Variants in NLRP8 observed in about 807,000 individuals in gnomAD.
The protein encoded by NLRP8 is NACHT, LRR and PYD domains-containing protein 8.
A neutral mutation model predicts 88.7 loss-of-function variants in NLRP8; 86 were observed. That is an observed-to-expected ratio of 0.97 (90% CI 0.81 to 1.16). The LOEUF (loss-of-function observed/expected upper bound fraction) is 1.16. Ranked by LOEUF, NLRP8 falls within the 50% of genes most tolerant of loss-of-function variation. NLRP8 has a pLI of 0.00. For missense variants in NLRP8, 1,342 were observed against 1,286.5 expected (o/e 1.04, Z -0.66); for synonymous variants, 504 against 494.6 (o/e 1.02, Z -0.25).
intron 4 of NLRP8, among the ~76,000 whole-genome samples, chr19:55,962,698 C>T (rs902703443): frequency 2.6e-5 from 4 of 152,058 alleles, no homozygotes; most frequent in South Asian, 4.1e-4. Context: ...GAGGATCACC[C>T]GAGCCCAGGA....
At chr19:55,974,021 A>C (rs1980198431) in intron 7 of NLRP8, among the ~76,000 whole-genome samples, 199 bp downstream of exon 7, 1 of 152,326 alleles carries the variant, frequency 6.6e-6, no homozygotes, top group Middle Eastern at 3.4e-3. Flanking sequence ...CTAGAGGCAG[A>C]GTTCTCAAAC....
intron 4 of NLRP8, among the ~76,000 whole-genome samples, chr19:55,965,668 T>A (rs1979803611): frequency 6.6e-6 from 1 of 151,504 alleles, no homozygotes; most frequent in Non-Finnish European, 1.5e-5. Flanking sequence ...AAATTTTTTT[T>A]ATTATACTTT....
chr19:55,984,785 C>T (rs572439898), intron 9 of NLRP8, among the ~76,000 whole-genome samples: 4 of 151,334 alleles, frequency 2.6e-5, no homozygotes, highest in Non-Finnish European at 5.9e-5. Flanking sequence ...TGCAGTAAGC[C>T]GTGCTTGCAC....
intron 9 of NLRP8, among the ~76,000 whole-genome samples, chr19:55,982,899 T>C (rs947174267): frequency 8.0e-4 from 121 of 152,146 alleles, no homozygotes; most frequent in African/African-American, 2.8e-3. Context: ...TGAGCCATGA[T>C]GCATCACTGC....
rs306456 is a variant in NLRP8, at chr19:55,987,971, C to T, written c.*58C>T. On this transcript the variant is annotated 3_prime_UTR_variant, in exon 10 of 10. Coordinates refer to ENST00000291971, the MANE Select transcript of NLRP8 (RefSeq NM_176811.2). ...GATCAGTTCCCACTCTGACAACTGG[C>T]AAATACCAGGCGTTATCATCCTGTA... is the stretch of plus-strand genomic sequence containing the variant. 0.25 allele frequency: 329,371 copies of T among 1,331,800 alleles called. 42,444 individuals are homozygous for T. The highest frequency in any genetic ancestry group is 0.3 in the Middle Eastern group (1,670 of 5,480). The allele number at this position is 1,331,800 out of a possible 1,614,324, so 82.5% of individuals were successfully genotyped here. A position where few individuals can be genotyped will look rare whatever the true frequency, so the allele number is the denominator to read the frequency against.
At chr19:55,980,143 C>G (rs1980511899) in intron 9 of NLRP8, among the ~76,000 whole-genome samples, 1 of 152,166 alleles carries the variant, frequency 6.6e-6, no homozygotes, top group Non-Finnish European at 1.5e-5. Context: ...TCTTCCTGAA[C>G]AGCTGAGTTT....
At chr19:55,952,757 C>G in intron 2 of NLRP8, 145 bp downstream of exon 2, 1 of 635,920 alleles carries the variant, frequency 1.6e-6, no homozygotes, top group Non-Finnish European at 2.7e-6. Context: ...GAAACTCTGT[C>G]TCTACTAAAA....
At chr19:55,948,871 T>C (rs549203552) in intron 1 of NLRP8, among the ~76,000 whole-genome samples, 2 of 152,374 alleles carry the variant, frequency 1.3e-5, no homozygotes, top group Admixed American at 1.3e-4. Flanking sequence ...ACAGCTGGTA[T>C]AGCTATGGTG....
chr19:55,952,442 C>A (rs1228268894), intron 1 of NLRP8, 96 bp from the exon 2 acceptor site: 1 of 916,686 alleles, frequency 1.1e-6, no homozygotes, highest in Non-Finnish European at 1.8e-6. Context: ...AGCCATGTGG[C>A]TGCTTCTGTC....
chr19:55,953,792 CT>C (rs35767678), intron 2 of NLRP8, among the ~76,000 whole-genome samples: 471 of 55,230 alleles, frequency 8.5e-3, no homozygotes, highest in East Asian at 0.026. Flanking sequence ...TGTGCCTGGC[CT>C]TTTTTTTTTT....
Position 55,966,339 on chromosome 19 carries a change from C to T in NLRP8, c.2340C>T (p.Cys780=). The stretch of plus-strand genomic sequence containing the variant: ...AGTCCAAAGCTGTGAAGCTTCTATG[C>T]AGGGTGCTGAGATCCCCCCGGTGCC... The change falls in exon 5 of 10, where the codon TGC becomes TGT. Residue 780 remains cysteine, a synonymous_variant. Transcript: ENST00000291971. The T allele has an allele frequency of 1.2e-6, 2 of 1,614,086 alleles. No homozygotes were observed. Among genetic ancestry groups the T allele is most frequent in the Non-Finnish European group, 1.7e-6 (2 of 1,179,968 alleles).
chr19:55,962,310 C>A, intron 4 of NLRP8, 73 bp downstream of exon 4: 2 of 1,458,844 alleles, frequency 1.4e-6, no homozygotes, highest in Non-Finnish European at 1.9e-6. Flanking sequence ...TTCTTCATTC[C>A]CTCTCCACTC....
At chr19:55,979,331 G>A in intron 8 of NLRP8, 63 bp from the exon 9 acceptor site, 1 of 1,578,760 alleles carries the variant, frequency 6.3e-7, no homozygotes, top group East Asian at 2.2e-5. Context: ...CGTCACACCG[G>A]CTGAGCTCTC....
At chr19:55,959,974 TG>T (rs1336061951) in intron 3 of NLRP8, among the ~76,000 whole-genome samples, 2 of 152,148 alleles carry the variant, frequency 1.3e-5, no homozygotes, top group Non-Finnish European at 1.5e-5. Flanking sequence ...CATGGAGGCT[TG>T]GGGGGTTCTT....
In NLRP8 at chr19:55,950,680, G is replaced by A. The variant is rs1213614373; in HGVS notation, c.368-1858G>A. On this transcript the variant is annotated intron_variant, in intron 1 of 9. Coordinates refer to ENST00000291971, the MANE Select transcript of NLRP8 (RefSeq NM_176811.2). ...CCCCGTAAGCCAGTGTCATTTCCACGCCTATGTGGTGCCACACTTTTGTGC... is the reference window on the plus strand; with the variant it reads ...CCCCGTAAGCCAGTGTCATTTCCACACCTATGTGGTGCCACACTTTTGTGC... 3.9e-5 allele frequency among the ~76,000 whole-genome samples: 6 copies of A among 152,150 alleles called. No homozygotes were observed. In the East Asian group the frequency reaches 1.2e-3, roughly 29 times the overall value.
chr19:55,956,100 A>G lies in NLRP8; in HGVS notation c.2042A>G (p.Glu681Gly). 1.2e-6 allele frequency: 2 copies of G among 1,610,014 alleles called. No individual in the cohort carries two copies. Among genetic ancestry groups the G allele is most frequent in the Non-Finnish European group, 1.7e-6 (2 of 1,177,536 alleles). Residue 681 changes from glutamate (E) to glycine (G), a missense_variant and splice_region_variant, in exon 3 of 10, where the codon GAA (glutamate) becomes GGA (glycine). Coordinates refer to ENST00000291971, the MANE Select transcript of NLRP8 (RefSeq NM_176811.2). ...AGCTCCAGCTCCCATCCTGGCTCTG[A>G]GTAAGTGCTTCGGTCCCTCCTTGGG...
rs1980943821 is a variant in NLRP8 at position 55,988,166 on chromosome 19, C to T, written c.*253C>T. On this transcript the variant is annotated 3_prime_UTR_variant, in exon 10 of 10. Coordinates refer to ENST00000291971, the MANE Select transcript of NLRP8 (RefSeq NM_176811.2). Reference sequence around the variant, plus strand: ...CAGCACTATGGGAGGTCGAGGTGGGCAGATTACCTGAGGTCAGGAGTTCCA... The same window carrying T: ...CAGCACTATGGGAGGTCGAGGTGGGTAGATTACCTGAGGTCAGGAGTTCCA... 7.5e-6 allele frequency: 2 copies of T among 266,362 alleles called. No individual in the cohort carries two copies. The highest frequency in any genetic ancestry group is 6.1e-5 in the South Asian group (1 of 16,352). The allele number at this position is 266,362 out of a possible 1,614,324, so 16.5% of individuals were successfully genotyped here. A position where few individuals can be genotyped will look rare whatever the true frequency, so the allele number is the denominator to read the frequency against.
At position 55,954,865 on chromosome 19, in the gene NLRP8, C is replaced by T. The variant is rs1403199645; in HGVS notation, c.807C>T (p.Asp269=). Residue 269 remains aspartate, a synonymous_variant, in exon 3 of 10, where the codon GAC becomes GAT. Coordinates refer to ENST00000291971, the MANE Select transcript of NLRP8 (RefSeq NM_176811.2). ...AGCAAAAGTGGCCTGGATCTCAGGA[C>T]CTCGTGTCAAAGATTATGTCCAAAC... The T allele has an allele frequency of 5.6e-6, 9 of 1,614,022 alleles. No individual in the cohort carries two copies. Among genetic ancestry groups the T allele is most frequent in the Non-Finnish European group, 7.6e-6 (9 of 1,180,052 alleles).
chr19:55,970,495 A>G (rs1980025883), intron 5 of NLRP8, 49 bp from the exon 6 acceptor site: 5 of 1,600,728 alleles, frequency 3.1e-6, no homozygotes, highest in Non-Finnish European at 4.3e-6. Flanking sequence ...TCCTACAGGT[A>G]CCATTTTCCC....
Sources: allele counts gnomAD v4.1 joint callset (sites outside exome capture counted in the v4.1 genomes callset), GRCh38; gene constraint gnomAD v4.1.1; transcripts MANE v1.5; gene names NCBI Gene and HGNC (gene_info 2026-07-23, HGNC 2026-07-21).